Variants in CRACD observed in about 807,000 individuals in gnomAD.
The protein encoded by CRACD is capping protein-inhibiting regulator of actin dynamics.
CRACD carries 56 observed loss-of-function variants against 106.8 expected under a neutral mutation model. The ratio of observed to expected loss-of-function variants is 0.52; its 90% CI spans 0.42 to 0.66. The LOEUF (loss-of-function observed/expected upper bound fraction) is 0.66. Ranked by LOEUF, CRACD falls within the 30% of genes least tolerant of loss-of-function variation. The pLI is 0.00. For synonymous variants in CRACD, 754 were observed against 670.8 expected (o/e 1.12, Z -1.92); for missense variants, 1,730 against 1,623.2 (o/e 1.07, Z -1.13).
In CRACD at chr4:56,314,909, G is replaced by A. The variant is rs748257230; in HGVS notation, c.1407G>A (p.Gly469=). Residue 469 remains glycine, a synonymous_variant, in exon 8 of 11, where the codon GGG becomes GGA. Coordinates refer to ENST00000682029, the MANE Select transcript of CRACD (RefSeq NM_001393381.1). This position sits in a 1 kb window ranked among gnomAD's most constrained non-coding sequence, Gnocchi z 4.4. ...GAAGAGAGCAGCAGGGAAGGAGCGG[G>A]GATTTCCAGGGGGCCGATCGTCCTG... ...ERRREQQGRS[G]DFQGADRPGP... The A allele has an allele frequency of 1.9e-5, 30 of 1,607,620 alleles. No homozygotes were observed. The highest frequency in any genetic ancestry group is 2.4e-5 in the Non-Finnish European group (28 of 1,178,034).
At chr4:56,155,738 G>C (rs1278638149) in intron 1 of CRACD, among the ~76,000 whole-genome samples, 1 of 152,128 alleles carries the variant, frequency 6.6e-6, no homozygotes, top group Non-Finnish European at 1.5e-5. Flanking sequence ...TTTCTGAGGA[G>C]AGCAGTGCTG....
intron 1 of CRACD, among the ~76,000 whole-genome samples, chr4:56,152,264 G>A (rs1221193837): frequency 2.6e-5 from 4 of 151,510 alleles, no homozygotes; most frequent in African/African-American, 4.8e-5. Flanking sequence ...TGATCCACCC[G>A]GCTCGGCCTC....
chr4:56,300,562 T>A (rs1048914753), intron 4 of CRACD, among the ~76,000 whole-genome samples: 7 of 152,200 alleles, frequency 4.6e-5, no homozygotes, highest in African/African-American at 1.7e-4. Flanking sequence ...CTTCTTCAAG[T>A]CTTTTGATTC....
At chr4:56,275,196 T>C (rs147930465) in intron 3 of CRACD, among the ~76,000 whole-genome samples, 204 of 152,228 alleles carry the variant, frequency 1.3e-3, no homozygotes, top group African/African-American at 4.5e-3. Context: ...ACCTGGGTGA[T>C]GAAATAATCT....
chr4:56,321,055 TG>T, intron 8 of CRACD: 1 of 176,244 alleles, frequency 5.7e-6, no homozygotes. Context: ...GAGCTAAGCC[TG>T]GTCAGTGGAC....
rs1744935711 is a variant in CRACD at position 56,308,846 on chromosome 4, T to C, written c.285+1147T>C. The C allele has an allele frequency of 4.7e-6, 6 of 1,288,400 alleles. No individual in the cohort carries two copies. In the South Asian group the frequency reaches 7.4e-5, roughly 16 times the overall value. 79.8% of individuals were successfully genotyped at this position (1,288,400 alleles called of 1,614,324 possible). A position where few individuals can be genotyped will look rare whatever the true frequency, so the allele number is the denominator to read the frequency against. On this transcript the variant is annotated intron_variant, in intron 5 of 10. Coordinates refer to ENST00000682029, the MANE Select transcript of CRACD (RefSeq NM_001393381.1). ...CTTGGTGCAGGGGTATCCTGAGATC[T>C]GAAGCAAATGTCCTCACAGTTATTG... is the stretch of plus-strand genomic sequence containing the variant.
At chr4:56,060,949 CTG>C (rs748685092) in intron 1 of CRACD, among the ~76,000 whole-genome samples, 1 of 152,176 alleles carries the variant, frequency 6.6e-6, no homozygotes, top group African/African-American at 2.4e-5. Context: ...GCCTCCAGAA[CTG>C]TGAGAAGCAG....
chr4:56,067,490 A>G (rs1006000009), intron 1 of CRACD, among the ~76,000 whole-genome samples: 1 of 152,248 alleles, frequency 6.6e-6, no homozygotes, highest in Admixed American at 6.5e-5. Context: ...TGTTATTAGC[A>G]TGGATTCATG....
intron 1 of CRACD, among the ~76,000 whole-genome samples, chr4:56,172,687 G>A (rs1348528526): frequency 1.3e-5 from 2 of 151,580 alleles, no homozygotes; most frequent in African/African-American, 2.4e-5. Flanking sequence ...GCAGTGGCGT[G>A]ATCTCGGCTC....
At chr4:56,214,750 C>T (rs761325200) in intron 2 of CRACD, among the ~76,000 whole-genome samples, 26 of 148,550 alleles carry the variant, frequency 1.8e-4, no homozygotes, top group African/African-American at 4.5e-4. Flanking sequence ...CAGTGGCTCA[C>T]GCCTATAATC....
chr4:56,280,623 G>A (rs1040288917), intron 3 of CRACD, among the ~76,000 whole-genome samples: 11 of 142,158 alleles, frequency 7.7e-5, no homozygotes, highest in African/African-American at 2.8e-4. Context: ...TATTCAGTAA[G>A]CATTTATTCA....
intron 2 of CRACD, among the ~76,000 whole-genome samples, chr4:56,211,345 AGCTTGGCCATACTGCCTCCT>A (rs1738396449): frequency 6.6e-6 from 1 of 152,094 alleles, no homozygotes; most frequent in Non-Finnish European, 1.5e-5. Context: ...GCCCAGGCCT[AGCTTGGCCATACTGCCTCCT>A]GCAGGAGGAG....
At chr4:56,250,093 A>C (rs1375765669) in intron 2 of CRACD, among the ~76,000 whole-genome samples, 1 of 152,076 alleles carries the variant, frequency 6.6e-6, no homozygotes, top group East Asian at 1.9e-4. Flanking sequence ...CCTTCTCATT[A>C]TGTACTTCCT....
chr4:56,160,573 T>A, intron 1 of CRACD, among the ~76,000 whole-genome samples: 1 of 152,222 alleles, frequency 6.6e-6, no homozygotes, highest in East Asian at 1.9e-4. Flanking sequence ...AGATGCTGCA[T>A]GATGGATCAT....
chr4:56,282,700 C>T (rs1168248797), intron 3 of CRACD, among the ~76,000 whole-genome samples: 2 of 152,142 alleles, frequency 1.3e-5, no homozygotes, highest in Non-Finnish European at 2.9e-5. Context: ...CCCTCATAGT[C>T]ATCACAAGAT....
chr4:56,112,861 C>T (rs537674548), intron 1 of CRACD, among the ~76,000 whole-genome samples: 3 of 152,132 alleles, frequency 2.0e-5, no homozygotes, highest in East Asian at 3.9e-4. Context: ...CCCCATGGGC[C>T]GCTAAGGGGT....
intron 1 of CRACD, among the ~76,000 whole-genome samples, chr4:56,133,850 G>A (rs1033222483): frequency 1.2e-4 from 18 of 152,110 alleles, no homozygotes; most frequent in African/African-American, 1.4e-4. Context: ...ATACTTTGGG[G>A]CAAAGACTAG....
intron 1 of CRACD, among the ~76,000 whole-genome samples, chr4:56,104,332 T>C (rs924854723): frequency 6.6e-6 from 1 of 152,092 alleles, no homozygotes; most frequent in Non-Finnish European, 1.5e-5. Context: ...AGGTCAAGCC[T>C]TCAGTGAGCC....
intron 1 of CRACD, among the ~76,000 whole-genome samples, chr4:56,107,037 C>G (rs1033550488): frequency 6.6e-6 from 1 of 152,134 alleles, no homozygotes; most frequent in African/African-American, 2.4e-5. Flanking sequence ...GTGACGTGGC[C>G]ATAGCTCACT....
Sources: gnomAD v4.1 joint callset for allele counts (sites outside exome capture counted in the v4.1 genomes callset) on GRCh38, gnomAD v4.1.1 for gene constraint, Gnocchi (gnomAD v3.1) non-coding constraint, MANE v1.5 for transcripts, NCBI Gene and HGNC (gene_info 2026-07-23, HGNC 2026-07-21) for gene names.